The following RBFOX2 variants were observed in gnomAD, a reference collection of about 807,000 sequenced individuals.
RBFOX2 encodes the protein RNA binding fox-1 homolog 2.
Under a neutral mutation model 49.1 loss-of-function variants are expected in RBFOX2, and 10 were observed. That is an observed-to-expected ratio of 0.20 (90% confidence interval 0.13 to 0.35). The LOEUF (loss-of-function observed/expected upper bound fraction) is 0.35, where lower values mean the gene tolerates loss of function less well. Ranked by LOEUF, RBFOX2 falls within the 10% of genes least tolerant of loss-of-function variation. The pLI is 1.00. For missense variants in RBFOX2, 323 were observed against 486.9 expected (o/e 0.66, Z 3.17); for synonymous variants, 183 against 187.4 (o/e 0.98, Z 0.19).
intron 1 of RBFOX2, among the ~76,000 whole-genome samples, chr22:36,011,387 ATT>A (rs1359226200): frequency 6.6e-6 from 1 of 152,220 alleles, no homozygotes; most frequent in Admixed American, 6.5e-5. Flanking sequence ...GAATCATATT[ATT>A]TGAGGTCCTG....
chr22:35,844,581 A>C (rs1377619276), upstream of RBFOX2, among the ~76,000 whole-genome samples: 1 of 148,198 alleles, frequency 6.7e-6, no homozygotes, highest in East Asian at 2.0e-4. Context: ...TGCAACCTCC[A>C]CCTCCCAGGT....
chr22:35,890,885 A>G (rs1241433098), intron 1 of RBFOX2, among the ~76,000 whole-genome samples: 2 of 152,062 alleles, frequency 1.3e-5, no homozygotes, highest in Admixed American at 1.3e-4. Flanking sequence ...AAAAGATGAG[A>G]TTGCGTTTCC....
intron 1 of RBFOX2, among the ~76,000 whole-genome samples, chr22:35,830,214 T>C (rs1211962607): frequency 2.0e-5 from 3 of 152,230 alleles, no homozygotes; most frequent in Non-Finnish European, 4.4e-5. Flanking sequence ...ACTGGTGATA[T>C]AGTCCCAATC....
At chr22:35,840,422 T>C (rs768217694) in exon 1 of RBFOX2, 40 of 1,463,458 alleles carry the variant, frequency 2.7e-5, no homozygotes, top group Admixed American at 1.6e-4. Flanking sequence ...TCCCCCTCCT[T>C]CTTTCTCCAG....
upstream of RBFOX2, among the ~76,000 whole-genome samples, chr22:35,845,121 G>C (rs1451415668): frequency 6.6e-6 from 1 of 152,070 alleles, no homozygotes. Flanking sequence ...ATTAAAGGGA[G>C]AGCATTTCCT....
intron 1 of RBFOX2, among the ~76,000 whole-genome samples, chr22:35,938,489 T>A (rs1167520976): frequency 6.6e-6 from 1 of 152,128 alleles, no homozygotes; most frequent in African/African-American, 2.4e-5. Flanking sequence ...AAAAACTCTG[T>A]GCAGGCAGGG....
At chr22:36,028,211 T>G in intron 1 of RBFOX2, 29 bp downstream of exon 1, 1 of 1,458,352 alleles carries the variant, frequency 6.9e-7, no homozygotes, top group Non-Finnish European at 9.0e-7. Flanking sequence ...ACCCCCGCAA[T>G]AACTGGGCGC....
intron 2 of RBFOX2, among the ~76,000 whole-genome samples, chr22:35,785,508 T>C (rs796765099): frequency 2.0e-5 from 3 of 152,288 alleles, no homozygotes; most frequent in African/African-American, 7.2e-5. Context: ...ATGCATCCCC[T>C]CCCTTTGACT....
rs545780607 is a variant in RBFOX2, at chr22:36,005,480, C to T, written c.186+22760G>A. The stretch of plus-strand genomic sequence containing the variant: ...AATGCCACATGCTAAATACCCATCA[C>T]TTGGCACTTTGTGAGGACTGACAAA... On this transcript the variant is annotated intron_variant, in intron 1 of 13. Transcript: ENST00000438146. 2.4e-4 allele frequency among the ~76,000 whole-genome samples: 37 copies of T among 152,326 alleles called. 1 individual carries two copies. The highest frequency in any genetic ancestry group is 8.7e-4 in the African/African-American group (36 of 41,570).
rs2059205476 is a variant in RBFOX2, at chr22:36,020,575, A to T, written c.186+7665T>A. Among the ~76,000 whole-genome samples, 4 of 152,358 alleles carry T rather than the reference A, an allele frequency of 2.6e-5. No homozygotes were observed. In the South Asian group the frequency reaches 8.3e-4, roughly 32 times the overall value. ...AAGAAAAAATCAAACAATCCCACCA[A>T]AAAGTGGGCAAAGGATATGAACAGA... On this transcript the variant is annotated intron_variant, in intron 1 of 13. Transcript: ENST00000438146.
At chr22:36,028,434 G>A (rs1485491092) in exon 1 of RBFOX2, 7 of 1,200,044 alleles carry the variant, frequency 5.8e-6, no homozygotes, top group Non-Finnish European at 7.2e-6. Context: ...ATCCGCCCGC[G>A]CCCCCCTCGC....
intron 1 of RBFOX2, among the ~76,000 whole-genome samples, chr22:36,002,647 G>A (rs1384548374): frequency 3.9e-5 from 6 of 152,146 alleles, no homozygotes; most frequent in South Asian, 2.1e-4. Flanking sequence ...TTCTTGAGAC[G>A]GAGTCTCACT....
intron 1 of RBFOX2, among the ~76,000 whole-genome samples, chr22:36,025,088 G>A (rs945250319): frequency 4.6e-5 from 7 of 152,222 alleles, no homozygotes; most frequent in East Asian, 1.9e-4. Flanking sequence ...GATTACAGGC[G>A]TGAGCCACTG....
intron 9 of RBFOX2, among the ~76,000 whole-genome samples, chr22:35,752,349 G>A (rs569182581): frequency 2.0e-5 from 3 of 152,306 alleles, no homozygotes; most frequent in East Asian, 1.9e-4. Context: ...TGGCAGTGAT[G>A]GGACAGTGCA....
At chr22:35,739,886 G>A (rs928170914) in exon 12 of RBFOX2, 1 of 152,658 alleles carries the variant, frequency 6.6e-6, no homozygotes, top group Non-Finnish European at 1.5e-5. Context: ...TTTGGCTGAT[G>A]AGCAGTTCTC....
At chr22:35,742,702 C>T (rs1930539561) in exon 12 of RBFOX2, 1 of 152,598 alleles carries the variant, frequency 6.6e-6, no homozygotes, top group African/African-American at 2.4e-5. Context: ...AAGAGAAACA[C>T]TCCCTCCTAC....
rs1322948841 is a variant in RBFOX2 at position 35,756,158 on chromosome 22, A to G, written c.887+3730T>C. Reference sequence around the variant, plus strand: ...TGGTAAACCACACTGCAGAAAATCCACACAAAAACAAAAACAAAAAAAACA... The same window carrying G: ...TGGTAAACCACACTGCAGAAAATCCGCACAAAAACAAAAACAAAAAAAACA... On this transcript the variant is annotated intron_variant, in intron 9 of 11. Transcript: ENST00000405409. 4 of 1,493,646 alleles carry G rather than the reference A, an allele frequency of 2.7e-6. No individual in the cohort carries two copies. The highest frequency in any genetic ancestry group is 2.1e-5 in the Admixed American group (1 of 46,572). 92.5% of individuals were successfully genotyped at this position (1,493,646 alleles called of 1,614,324 possible). A position where few individuals can be genotyped will look rare whatever the true frequency, so the allele number is the denominator to read the frequency against.
At chr22:36,001,215 ACACACACACACACACACAC>A (rs1287090161) in intron 1 of RBFOX2, among the ~76,000 whole-genome samples, 29 of 148,136 alleles carry the variant, frequency 2.0e-4, no homozygotes, top group African/African-American at 6.0e-4. Context: ...ACACACACAC[ACACACACACACACACACAC>A]TATATGTATA....
At chr22:35,889,705 C>G (rs964468906) in intron 1 of RBFOX2, among the ~76,000 whole-genome samples, 1 of 152,134 alleles carries the variant, frequency 6.6e-6, no homozygotes, top group South Asian at 2.1e-4. Context: ...GTACCTATCA[C>G]GGCATCTGAC....
Sources: gnomAD v4.1 joint callset for allele counts (sites outside exome capture counted in the v4.1 genomes callset) on GRCh38, gnomAD v4.1.1 for gene constraint, MANE v1.5 for transcripts, NCBI Gene and HGNC (gene_info 2026-07-23, HGNC 2026-07-21) for gene names.